Variants in ANO2 observed in about 807,000 individuals in gnomAD.
The protein encoded by ANO2 is anoctamin-2.
ANO2 carries 101 observed loss-of-function variants against 124.2 expected under a neutral mutation model. The ratio of observed to expected loss-of-function variants is 0.81; its 90% CI spans 0.69 to 0.96. The LOEUF (loss-of-function observed/expected upper bound fraction) is 0.96, where lower values mean the gene tolerates loss of function less well. ANO2 is among the 40% of genes least tolerant of loss of function. The probability of loss-of-function intolerance (pLI) is 0.00; values close to 1 mark genes in which losing one functional copy is unlikely to be tolerated. For missense variants in ANO2, 1,293 were observed against 1,274.5 expected (o/e 1.01, Z -0.22); for synonymous variants, 486 against 482.5 (o/e 1.01, Z -0.09).
chr12:5,661,306 C>T (rs1558505), intron 14 of ANO2, among the ~76,000 whole-genome samples: 64,531 of 152,018 alleles, frequency 0.42, 14,142 homozygotes, highest in East Asian at 0.68. Context: ...GACTGGAGAA[C>T]GGAACCTTAG....
chr12:5,875,220 C>A (rs1362618957), intron 3 of ANO2, among the ~76,000 whole-genome samples: 2 of 152,172 alleles, frequency 1.3e-5, no homozygotes, highest in Non-Finnish European at 2.9e-5. Flanking sequence ...CCTCTTAATG[C>A]CCTGATCTGA....
rs1433942724 is a variant in ANO2, at chr12:5,922,693, G to A, written c.134C>T (p.Ala45Val). 3.2e-6 allele frequency: 5 copies of A among 1,584,832 alleles called. No individual in the cohort carries two copies. In the East Asian group the frequency reaches 1.1e-4, roughly 36 times the overall value. The change falls in exon 2 of 25, where the codon GCC becomes GTC. Residue 45 changes from alanine (A) to valine (V), a missense_variant. Physicochemically the swap from Ala to Val is moderately conservative, Grantham distance 64. Coordinates refer to ENST00000682330, the MANE Select transcript of ANO2 (RefSeq NM_001364791.2). ...GTTGGAACCGCCCTGCAGACCTGGG[G>A]CCCGGGGACCTGGCATCTTGAGACA... ...QQCLKMPGPR[A>V]PGLQGGSNRD...
intron 9 of ANO2, 123 bp from the exon 10 acceptor site, chr12:5,799,694 C>T (rs1952982794): frequency 2.4e-6 from 2 of 830,974 alleles, no homozygotes; most frequent in Admixed American, 4.2e-5. Context: ...TCTCATGAGA[C>T]ATCCAGGGGG....
At chr12:5,583,878 A>G (rs890544863) in intron 20 of ANO2, 5 of 200,580 alleles carry the variant, frequency 2.5e-5, no homozygotes, top group Admixed American at 2.1e-4. Flanking sequence ...CAAAGATGGC[A>G]TTCCCATCAA....
At chr12:5,834,238 G>C (rs979372328) in intron 4 of ANO2, among the ~76,000 whole-genome samples, 1 of 152,208 alleles carries the variant, frequency 6.6e-6, no homozygotes, top group Non-Finnish European at 1.5e-5. Flanking sequence ...GGGCTAATCT[G>C]TCAGGCTGCA....
At chr12:5,709,104 G>T (rs1949717941) in intron 14 of ANO2, among the ~76,000 whole-genome samples, 1 of 152,156 alleles carries the variant, frequency 6.6e-6, no homozygotes, top group African/African-American at 2.4e-5. Context: ...GAGACCATTT[G>T]CAAATTCCCT....
chr12:5,801,209 A>T (rs1953027897), intron 9 of ANO2, among the ~76,000 whole-genome samples: 1 of 152,210 alleles, frequency 6.6e-6, no homozygotes, highest in Non-Finnish European at 1.5e-5. Context: ...ACATCAGGCC[A>T]GGCCATCTTG....
At chr12:5,840,995 C>G (rs926831289) in intron 4 of ANO2, among the ~76,000 whole-genome samples, 9 of 152,014 alleles carry the variant, frequency 5.9e-5, no homozygotes, top group African/African-American at 1.4e-4. Context: ...ACCAGCTGGG[C>G]AAGGATGGAA....
rs558012200 is a variant in ANO2 at position 5,672,048 on chromosome 12, C to T, written c.1546-24247G>A. ...GTGATCCCTAGGTTCTCGCTGAGGACTGGAAGGGACAGCCTAAAGGTTTCA... is the reference window on the plus strand; with the variant it reads ...GTGATCCCTAGGTTCTCGCTGAGGATTGGAAGGGACAGCCTAAAGGTTTCA... On this transcript the variant is annotated intron_variant, in intron 14 of 24. Coordinates refer to ENST00000682330, the MANE Select transcript of ANO2 (RefSeq NM_001364791.2). Among the ~76,000 whole-genome samples, 325 of 152,286 alleles carry T rather than the reference C, an allele frequency of 2.1e-3. 1 individual carries two copies. The highest frequency in any genetic ancestry group is 7.4e-3 in the African/African-American group (309 of 41,566).
At chr12:5,915,052 C>T (rs779768424) in intron 3 of ANO2, among the ~76,000 whole-genome samples, 7 of 152,126 alleles carry the variant, frequency 4.6e-5, no homozygotes, top group Non-Finnish European at 7.3e-5. Flanking sequence ...ACTCTCTGGA[C>T]GCTCAAGGCT....
At chr12:5,823,117 A>T (rs1953858098) in intron 7 of ANO2, among the ~76,000 whole-genome samples, 1 of 152,226 alleles carries the variant, frequency 6.6e-6, no homozygotes, top group Admixed American at 6.5e-5. Context: ...GCCAAACCAT[A>T]TCATTCCACC....
At chr12:5,824,553 A>G (rs1184792636) in intron 7 of ANO2, among the ~76,000 whole-genome samples, 2 of 152,202 alleles carry the variant, frequency 1.3e-5, no homozygotes, top group Non-Finnish European at 2.9e-5. Context: ...CCATATTGCT[A>G]TCAGCATTTT....
At chr12:5,599,420 T>G in intron 20 of ANO2, 64 bp downstream of exon 20, 2 of 1,456,124 alleles carry the variant, frequency 1.4e-6, no homozygotes, top group Non-Finnish European at 1.8e-6. Flanking sequence ...ACCTTCCCCC[T>G]TCAACCCCAC....
chr12:5,771,674 G>A (rs1952086532), intron 10 of ANO2, among the ~76,000 whole-genome samples: 1 of 152,106 alleles, frequency 6.6e-6, no homozygotes, highest in Admixed American at 6.5e-5. Flanking sequence ...CAGCTACTCG[G>A]GAGGCTGAGG....
intron 15 of ANO2, among the ~76,000 whole-genome samples, chr12:5,643,241 T>C (rs981797766): frequency 1.3e-5 from 2 of 152,210 alleles, no homozygotes; most frequent in Admixed American, 1.3e-4. Flanking sequence ...CTCTTGCTCA[T>C]TTGATAGTTT....
intron 14 of ANO2, among the ~76,000 whole-genome samples, chr12:5,710,877 C>T (rs1373678283): frequency 6.6e-6 from 1 of 152,106 alleles, no homozygotes; most frequent in Non-Finnish European, 1.5e-5. Context: ...AAATTGATCC[C>T]TGGGCCGGGC....
Position 5,732,597 on chromosome 12 carries a change from G to C in ANO2, c.1468C>G (p.Arg490Gly), listed in dbSNP as rs750547819. Residue 490 changes from arginine to glycine, a missense_variant, in exon 14 of 25, where the codon CGA becomes GGA. Coordinates refer to ENST00000682330, the MANE Select transcript of ANO2 (RefSeq NM_001364791.2). Reference protein sequence around the residue: ...HSRPEYETKVREKMLKESNQS... With the variant: ...HSRPEYETKVGEKMLKESNQS... ...TTGCTCTCCTTTAGCATTTTCTCTCGAACTTTGGTTTCATACTCAGGCCTG... is the reference window on the plus strand; with the variant it reads ...TTGCTCTCCTTTAGCATTTTCTCTCCAACTTTGGTTTCATACTCAGGCCTG... 3 of 1,613,726 alleles carry C rather than the reference G, an allele frequency of 1.9e-6. No individual in the cohort carries two copies. The highest frequency in any genetic ancestry group is 1.7e-5 in the Admixed American group (1 of 59,986).
At chr12:5,774,608 T>TA (rs1383709267) in intron 10 of ANO2, among the ~76,000 whole-genome samples, 1 of 152,218 alleles carries the variant, frequency 6.6e-6, no homozygotes, top group South Asian at 2.1e-4. Context: ...CATCCTCTGC[T>TA]AAAAGCTCAC....
rs1360261886 is a variant in ANO2 at position 5,905,250 on chromosome 12, CGG to C, written c.534+15788_534+15789del. 6.2e-3 allele frequency among the ~76,000 whole-genome samples: 951 copies of C among 152,242 alleles called. 16 individuals are homozygous for C. Among genetic ancestry groups the C allele is most frequent in the African/African-American group, 0.022 (908 of 41,522 alleles). On this transcript the variant is annotated intron_variant, in intron 3 of 24. Transcript: ENST00000682330. ...CCACCTGGGGCTCTGGCAGGGAGGA[CGG>C]TGTGGAATGTCAGCTCCCCCATCAC...
Sources: gnomAD v4.1 joint callset for allele counts (sites outside exome capture counted in the v4.1 genomes callset) on GRCh38, gnomAD v4.1.1 for gene constraint, MANE v1.5 for transcripts, NCBI Gene and HGNC (gene_info 2026-07-23, HGNC 2026-07-21) for gene names.